Variants in TRIP12 observed in about 807,000 individuals in gnomAD.
TRIP12 encodes E3 ubiquitin-protein ligase TRIP12.
Under a neutral mutation model 244.2 loss-of-function variants are expected in TRIP12, and 25 were observed. That is an observed-to-expected ratio of 0.10 (90% confidence interval 0.07 to 0.14). The LOEUF is 0.14. Ranked by LOEUF, TRIP12 falls within the 10% of genes least tolerant of loss-of-function variation. The probability of loss-of-function intolerance (pLI) is 1.00; values close to 1 mark genes in which losing one functional copy is unlikely to be tolerated. For synonymous variants in TRIP12, 905 were observed against 873.1 expected (o/e 1.04, Z -0.64); for missense variants, 1,677 against 2,486.4 (o/e 0.67, Z 6.92).
At chr2:229,767,850 A>G (rs2032333529) in intron 41 of TRIP12, 100 bp from the exon 42 acceptor site, 4 of 1,197,028 alleles carry the variant, frequency 3.3e-6, no homozygotes, top group African/African-American at 3.1e-5. Flanking sequence ...TACACACAAG[A>G]TATTCTTTCT....
chr2:229,779,365 C>A (rs2037330710), intron 34 of TRIP12, among the ~76,000 whole-genome samples: 1 of 152,164 alleles, frequency 6.6e-6, no homozygotes, highest in South Asian at 2.1e-4. Context: ...GTCACCCTCT[C>A]AAGGGGAAGG....
chr2:229,808,446 A>C (rs2046419902), intron 15 of TRIP12, 77 bp from the exon 16 acceptor site: 2 of 890,686 alleles, frequency 2.2e-6, no homozygotes, highest in Admixed American at 4.1e-5. Flanking sequence ...ACATTGCCCA[A>C]GGGGGGAAAA....
Position 229,892,746 on chromosome 2 carries a change from G to C in TRIP12, c.-49-12618C>G, listed in dbSNP as rs374289910. Among the ~76,000 whole-genome samples, 33 of 152,192 alleles carry C rather than the reference G, an allele frequency of 2.2e-4. 1 individual carries two copies. The highest frequency in any genetic ancestry group is 7.9e-4 in the African/African-American group (33 of 41,528). ...CCGGGCATGGTAGTGCGCATCTCTAGTCCCAGCGACTTTCGGGGCTGAGGT... is the reference window on the plus strand; with the variant it reads ...CCGGGCATGGTAGTGCGCATCTCTACTCCCAGCGACTTTCGGGGCTGAGGT... On this transcript the variant is annotated intron_variant, in intron 1 of 41. Transcript: ENST00000675903.
At position 229,777,384 on chromosome 2, in the gene TRIP12, T is replaced by C. The variant is rs1349884702; in HGVS notation, c.5460A>G (p.Val1820=). The C allele has an allele frequency of 6.2e-7, 1 of 1,613,892 alleles. No individual in the cohort carries two copies. The highest frequency in any genetic ancestry group is 8.5e-7 in the Non-Finnish European group (1 of 1,179,900). Residue 1820 remains valine, a synonymous_variant, in exon 37 of 42, where the codon GTA becomes GTG. Coordinates refer to ENST00000675903, the MANE Select transcript of TRIP12 (RefSeq NM_001348323.3). ...SHDLFDIDPV[V]ARSVYHLEDI... ...CTTCTAGGTGATAAACTGATCTGGCTACAACTGGGTCGATGTCAAACAAAT... is the reference window on the plus strand; with the variant it reads ...CTTCTAGGTGATAAACTGATCTGGCCACAACTGGGTCGATGTCAAACAAAT...
At position 229,884,600 on chromosome 2, in the gene TRIP12, A is replaced by G. The variant is rs187791932; in HGVS notation, c.-49-4472T>C. ...TACGCACACAAAGAAAGGCTAAAAA[A>G]AACCCAAAACATTTTTTAAAAATTC... is the stretch of plus-strand genomic sequence containing the variant. On this transcript the variant is annotated intron_variant, in intron 1 of 41. Coordinates refer to ENST00000675903, the MANE Select transcript of TRIP12 (RefSeq NM_001348323.3). Among the ~76,000 whole-genome samples the G allele has an allele frequency of 1.7e-3, 262 of 152,290 alleles. 3 individuals carry two copies. The highest frequency in any genetic ancestry group is 7.5e-4 in the Non-Finnish European group (51 of 68,024).
chr2:229,865,564 A>C (rs2061392027), intron 2 of TRIP12, among the ~76,000 whole-genome samples: 1 of 151,886 alleles, frequency 6.6e-6, no homozygotes, highest in Non-Finnish European at 1.5e-5. Flanking sequence ...ATACATGCAT[A>C]TATTACCAAA....
At chr2:229,794,534 T>A (rs183478787) in intron 26 of TRIP12, among the ~76,000 whole-genome samples, 6 of 151,878 alleles carry the variant, frequency 4.0e-5, no homozygotes, top group Non-Finnish European at 8.8e-5. Context: ...CTAGTGTAAT[T>A]TGGCTTGGGC....
At chr2:229,803,887 T>TA in intron 19 of TRIP12, 112 bp downstream of exon 19, 2 of 988,952 alleles carry the variant, frequency 2.0e-6, no homozygotes, top group Non-Finnish European at 2.9e-6. Flanking sequence ...GAGCTCAAGA[T>TA]ACTCCTAACA....
At chr2:229,779,399 CAGTT>C (rs914473076) in intron 34 of TRIP12, among the ~76,000 whole-genome samples, 7 of 152,222 alleles carry the variant, frequency 4.6e-5, no homozygotes, top group Admixed American at 6.5e-5. Flanking sequence ...CTGCTCCCAA[CAGTT>C]AGTCTGTTCC....
At chr2:229,789,354 T>A (rs539817149) in intron 31 of TRIP12, among the ~76,000 whole-genome samples, 44 of 152,340 alleles carry the variant, frequency 2.9e-4, no homozygotes, top group African/African-American at 1.1e-3. Flanking sequence ...AATAAATCCA[T>A]GTTCAAGTTT....
chr2:229,908,520 G>A (rs796354319), intron 1 of TRIP12, among the ~76,000 whole-genome samples: 13 of 151,106 alleles, frequency 8.6e-5, no homozygotes, highest in African/African-American at 3.2e-4. Flanking sequence ...CGAGGCAGGC[G>A]GATCACAAGA....
At position 229,807,833 on chromosome 2, in the gene TRIP12, T is replaced by C. The variant is rs767004179; in HGVS notation, c.2371A>G (p.Ile791Val). The C allele has an allele frequency of 1.2e-6, 2 of 1,614,046 alleles. No homozygotes were observed. Among genetic ancestry groups the C allele is most frequent in the Non-Finnish European group, 1.7e-6 (2 of 1,179,962 alleles). The change falls in exon 17 of 42, where the codon ATT becomes GTT. Residue 791 changes from isoleucine (I) to valine (V), a missense_variant. Ile to Val is a conservative substitution (Grantham distance 29, BLOSUM62 3). This residue lies in a region of TRIP12 where 572 missense variants were observed against 867.8 expected (regional missense o/e 0.66). Transcript: ENST00000675903. ...TTCAACATGGTATCAACTGCAAAAATGCCTTCTTTTGGTAAACATGGCATA... is the reference window on the plus strand; with the variant it reads ...TTCAACATGGTATCAACTGCAAAAACGCCTTCTTTTGGTAAACATGGCATA... ...ELMPCLPKEG[I>V]FAVDTMLKKG... is the part of the protein sequence containing the mutation.
intron 24 of TRIP12, 84 bp from the exon 25 acceptor site, chr2:229,796,866 G>T: frequency 7.9e-7 from 1 of 1,273,538 alleles, no homozygotes; most frequent in Non-Finnish European, 1.1e-6. Context: ...AAAAGGAAAT[G>T]AATATATTCT....
At chr2:229,855,588 AAACT>A (rs1336539420) in intron 4 of TRIP12, among the ~76,000 whole-genome samples, 1 of 148,606 alleles carries the variant, frequency 6.7e-6, no homozygotes, top group Non-Finnish European at 1.5e-5. Flanking sequence ...TAAAACACAG[AAACT>A]AACAAGGGTT....
At chr2:229,804,320 C>T (rs1180857947) in intron 18 of TRIP12, 93 bp from the exon 19 acceptor site, 9 of 1,125,976 alleles carry the variant, frequency 8.0e-6, no homozygotes, top group Non-Finnish European at 1.3e-6. Context: ...CAGTGTAATT[C>T]TTGAAATGCT....
chr2:229,781,539 C>T (rs922812918), intron 34 of TRIP12, among the ~76,000 whole-genome samples: 1 of 152,232 alleles, frequency 6.6e-6, no homozygotes, highest in African/African-American at 2.4e-5. Flanking sequence ...CCAGGCTCCA[C>T]ATTCCCTGCT....
chr2:229,839,089 C>G (rs560382712), intron 5 of TRIP12, among the ~76,000 whole-genome samples: 1 of 152,286 alleles, frequency 6.6e-6, no homozygotes, highest in East Asian at 1.9e-4. Context: ...CTGTCAAGGA[C>G]GAACCACGTA....
intron 26 of TRIP12, 134 bp from the exon 27 acceptor site, chr2:229,793,279 T>A: frequency 1.2e-6 from 1 of 852,950 alleles, no homozygotes; most frequent in African/African-American, 1.7e-5. Context: ...TTACCAGTTC[T>A]GTGAATGGTA....
intron 8 of TRIP12, among the ~76,000 whole-genome samples, chr2:229,824,188 T>C (rs1575544425): frequency 6.6e-6 from 1 of 152,316 alleles, no homozygotes; most frequent in East Asian, 1.9e-4. Context: ...AGGTATGCTA[T>C]AATAAACCAA....
Sources: gnomAD v4.1 joint callset for allele counts (sites outside exome capture counted in the v4.1 genomes callset) on GRCh38, gnomAD v4.1.1 for gene constraint, gnomAD v4.1.1 regional missense constraint, MANE v1.5 for transcripts, NCBI Gene and HGNC (gene_info 2026-07-23, HGNC 2026-07-21) for gene names.